Variants in NEK6 observed in about 807,000 individuals in gnomAD.
The protein encoded by NEK6 is NIMA related kinase 6.
A neutral mutation model predicts 43.5 loss-of-function variants in NEK6; 27 were observed. The ratio of observed to expected loss-of-function variants is 0.62; its 90% confidence interval spans 0.46 to 0.86. The LOEUF is 0.86. Among genes scored for constraint, NEK6 ranks in the 40% least tolerant of loss-of-function variants. The pLI, the probability that NEK6 is intolerant of heterozygous loss-of-function variation, is 0.00. For missense variants in NEK6, 318 were observed against 414.4 expected (o/e 0.77, Z 2.02); for synonymous variants, 167 against 164.1 (o/e 1.02, Z -0.14).
chr9:124,298,255 A>G (rs1013270033), intron 1 of NEK6, among the ~76,000 whole-genome samples: 1 of 142,508 alleles, frequency 7.0e-6, no homozygotes, highest in East Asian at 2.1e-4. Flanking sequence ...CTCAGCAGGG[A>G]CCCTCTCTGG....
At position 124,325,409 on chromosome 9, in the gene NEK6, A is replaced by G. The variant is rs187047511; in HGVS notation, c.406-921A>G. ...CTTTCCAGGCCAGTGTGTCCTGGTC[A>G]GTTCCCAGCTTCCCAGCACCAGAGC... is the stretch of plus-strand genomic sequence containing the variant. On this transcript the variant is annotated intron_variant, in intron 5 of 9. Coordinates refer to ENST00000320246, the MANE Select transcript of NEK6 (RefSeq NM_014397.6). Among the ~76,000 whole-genome samples the G allele has an allele frequency of 1.1e-3, 170 of 152,320 alleles. 1 individual carries two copies. Among genetic ancestry groups the G allele is most frequent in the African/African-American group, 3.9e-3 (161 of 41,568 alleles).
intron 1 of NEK6, among the ~76,000 whole-genome samples, chr9:124,269,478 A>G (rs981096240): frequency 2.6e-5 from 4 of 151,940 alleles, no homozygotes; most frequent in Admixed American, 6.6e-5. Flanking sequence ...GGTTCAAGCA[A>G]TTCTCCTGCC....
chr9:124,271,388 A>G (rs1210285096), intron 1 of NEK6, among the ~76,000 whole-genome samples: 1 of 152,254 alleles, frequency 6.6e-6, no homozygotes, highest in Admixed American at 6.5e-5. Flanking sequence ...GGGGAGGCTC[A>G]GCACCCACAG....
chr9:124,339,019 ATTTTTT>A (rs538411121), intron 7 of NEK6, among the ~76,000 whole-genome samples: 5 of 61,808 alleles, frequency 8.1e-5, no homozygotes, highest in African/African-American at 2.0e-4. Flanking sequence ...CCCCATCCTG[ATTTTTT>A]TTTTTTTTTT....
rs1359817971 is a variant in NEK6, at chr9:124,332,796, C to T, written c.622+5351C>T. On this transcript the variant is annotated intron_variant, in intron 7 of 9. Coordinates refer to ENST00000320246, the MANE Select transcript of NEK6 (RefSeq NM_014397.6). ...TAATCAGCCTCCCTCTTTCAGATCC[C>T]GCATTCTCCTCTGATATCTGCTGGG... Among the ~76,000 whole-genome samples the T allele has an allele frequency of 9.9e-5, 15 of 152,250 alleles. No individual in the cohort carries two copies. In the East Asian group the frequency reaches 2.3e-3, roughly 24 times the overall value.
intron 5 of NEK6, among the ~76,000 whole-genome samples, chr9:124,322,318 C>T (rs1219433575): frequency 6.6e-6 from 1 of 152,154 alleles, no homozygotes; most frequent in Non-Finnish European, 1.5e-5. Flanking sequence ...GCTCCACGCC[C>T]CTACATACAT....
intron 1 of NEK6, among the ~76,000 whole-genome samples, chr9:124,273,607 T>A (rs1831534393): frequency 6.6e-6 from 1 of 152,114 alleles, no homozygotes; most frequent in Non-Finnish European, 1.5e-5. Flanking sequence ...TCCAAAGTTG[T>A]CCCGTCCCAC....
chr9:124,321,890 T>C (rs577434462), intron 5 of NEK6, among the ~76,000 whole-genome samples: 5 of 152,314 alleles, frequency 3.3e-5, no homozygotes, highest in Non-Finnish European at 5.9e-5. Flanking sequence ...GGGCCAGCCA[T>C]GGGCAGAAGG....
intron 1 of NEK6, 104 bp downstream of exon 1, chr9:124,258,189 C>T: frequency 1.0e-6 from 1 of 974,222 alleles, no homozygotes; most frequent in Non-Finnish European, 1.2e-6. Flanking sequence ...CGAGGGCGGG[C>T]GCGCGCCCAC....
At chr9:124,314,048 G>T in intron 4 of NEK6, 63 bp downstream of exon 4, 1 of 1,450,320 alleles carries the variant, frequency 6.9e-7, no homozygotes, top group Middle Eastern at 2.0e-4. Flanking sequence ...CCGCGGCTGG[G>T]CCACATCATG....
At chr9:124,345,121 C>T (rs917753482) in intron 8 of NEK6, among the ~76,000 whole-genome samples, 1 of 152,234 alleles carries the variant, frequency 6.6e-6, no homozygotes, top group East Asian at 1.9e-4. Flanking sequence ...CTATATGTCA[C>T]CCTGATGACA....
chr9:124,328,589 C>T (rs904589440), intron 7 of NEK6, among the ~76,000 whole-genome samples: 22 of 152,220 alleles, frequency 1.4e-4, no homozygotes, highest in Admixed American at 5.9e-4. Context: ...CAAGCCAGGA[C>T]GTCTCCTATC....
At chr9:124,288,154 G>A (rs1001046235) in intron 1 of NEK6, among the ~76,000 whole-genome samples, 54 of 152,384 alleles carry the variant, frequency 3.5e-4, no homozygotes, top group African/African-American at 1.2e-3. Flanking sequence ...TGTCCATAAG[G>A]CTGGGGTTCC....
In NEK6 at chr9:124,312,593, G is replaced by A; in HGVS notation, c.175G>A (p.Val59Met). Residue 59 changes from valine to methionine, a missense_variant, in exon 3 of 10, where the codon GTG becomes ATG. Val to Met is a conservative substitution (Grantham distance 21, BLOSUM62 1). This residue lies in a region of NEK6 where 239 missense variants were observed against 344.4 expected (regional missense o/e 0.69). Transcript: ENST00000320246. ...GATAGGCCGAGGACAGTTCAGCGAG[G>A]TGTACAAGGCCACCTGCCTGCTGGA... ...KKIGRGQFSEVYKATCLLDRK... is the reference protein window; with the variant it reads ...KKIGRGQFSEMYKATCLLDRK... 1.2e-6 allele frequency: 2 copies of A among 1,614,200 alleles called. No individual in the cohort carries two copies. Among genetic ancestry groups the A allele is most frequent in the East Asian group, 2.2e-5 (1 of 44,880 alleles).
chr9:124,326,477 G>A lies in NEK6; in HGVS notation c.514+39G>A. 1 of 1,495,374 alleles carries A rather than the reference G, an allele frequency of 6.7e-7. No individual in the cohort carries two copies. The highest frequency in any genetic ancestry group is 9.2e-7 in the Non-Finnish European group (1 of 1,083,594). 92.6% of individuals were successfully genotyped at this position (1,495,374 alleles called of 1,614,324 possible). ...GCCAGGAGCCGCCCGGAGCCACCTGGAGCCCAGGAAGACACTTCCTCATGG... is the reference window on the plus strand; with the variant it reads ...GCCAGGAGCCGCCCGGAGCCACCTGAAGCCCAGGAAGACACTTCCTCATGG... On this transcript the variant is annotated intron_variant, in intron 6 of 9. Coordinates refer to ENST00000320246, the MANE Select transcript of NEK6 (RefSeq NM_014397.6). The surrounding 1 kb of genome is among the most constrained non-coding windows in gnomAD (Gnocchi z 4.5).
At chr9:124,301,083 G>A (rs1054606266) in intron 1 of NEK6, among the ~76,000 whole-genome samples, 1 of 152,220 alleles carries the variant, frequency 6.6e-6, no homozygotes, top group African/African-American at 2.4e-5. Flanking sequence ...TTCTGGGGAG[G>A]AGGAGGGCTT....
rs1042691657 is a variant in NEK6 at position 124,350,507 on chromosome 9, C to T, written c.832-330C>T. Among the ~76,000 whole-genome samples the T allele has an allele frequency of 1.1e-3, 42 of 38,218 alleles. No homozygotes were observed. In the East Asian group the frequency reaches 0.03, roughly 28 times the overall value. The allele number at this position is 38,218 out of a possible 152,430, so 25.1% of individuals were successfully genotyped here. A position where few individuals can be genotyped will look rare whatever the true frequency, so the allele number is the denominator to read the frequency against. On this transcript the variant is annotated intron_variant, in intron 9 of 9. Coordinates refer to ENST00000320246, the MANE Select transcript of NEK6 (RefSeq NM_014397.6). ...ATCTGCGTGACTGACAGCAGACACA[C>T]ACACACACACACACACACACACACA...
chr9:124,330,312 C>T (rs932328635), intron 7 of NEK6, among the ~76,000 whole-genome samples: 4 of 152,382 alleles, frequency 2.6e-5, no homozygotes, highest in African/African-American at 7.2e-5. Context: ...CAGTACACGC[C>T]GGCGTAATGC....
Position 124,326,392 on chromosome 9 carries a change from G to GT in NEK6, c.469dup (p.Cys157LeufsTer34), listed in dbSNP as rs753707184. 2 of 1,611,222 alleles carry GT rather than the reference G, an allele frequency of 1.2e-6. No individual in the cohort carries two copies. The highest frequency in any genetic ancestry group is 2.7e-5 in the African/African-American group (2 of 75,046). ...CAGTATGGAAGTACTTTGTGCAGCT[G>GT]TGCAGCGCCGTGGAGCACATGCATT... is the stretch of plus-strand genomic sequence containing the variant. On this transcript the variant is annotated frameshift_variant, in exon 6 of 10. Coordinates refer to ENST00000320246, the MANE Select transcript of NEK6 (RefSeq NM_014397.6). LOFTEE classifies it high-confidence loss of function. This position sits in a 1 kb window ranked among gnomAD's most constrained non-coding sequence, Gnocchi z 4.5.
Sources: gnomAD v4.1 joint callset for allele counts (sites outside exome capture counted in the v4.1 genomes callset) on GRCh38, gnomAD v4.1.1 for gene constraint, gnomAD v4.1.1 regional missense constraint, Gnocchi (gnomAD v3.1) non-coding constraint, MANE v1.5 for transcripts, NCBI Gene and HGNC (gene_info 2026-07-23, HGNC 2026-07-21) for gene names.